Variants in CDH23 observed in about 807,000 individuals in gnomAD.
The protein encoded by CDH23 is cadherin-23.
In CDH23, 189 loss-of-function variants were observed where a neutral mutation model predicts 317.1. That is an observed-to-expected ratio of 0.60 (90% CI 0.53 to 0.67). The LOEUF is 0.67. Ranked by LOEUF, CDH23 falls within the 30% of genes least tolerant of loss-of-function variation. The pLI, the probability that CDH23 is intolerant of heterozygous loss-of-function variation, is 0.00. For synonymous variants in CDH23, 1,839 were observed against 1,876.8 expected, an observed-to-expected ratio of 0.98 and a Z score of 0.52; for missense variants, 4,401 against 4,592.4, an observed-to-expected ratio of 0.96 and a Z score of 1.20.
At chr10:71,609,944 A>C (rs1860759674) in intron 9 of CDH23, among the ~76,000 whole-genome samples, 1 of 134,154 alleles carries the variant, frequency 7.5e-6, no homozygotes, top group African/African-American at 2.8e-5. Flanking sequence ...ATGTGTAAGG[A>C]CTCCCCCGTG....
chr10:71,679,580 G>A, intron 17 of CDH23, 88 bp downstream of exon 17: 1 of 1,053,014 alleles, frequency 9.5e-7, no homozygotes, highest in African/African-American at 1.6e-5. Context: ...GATGAGGCGG[G>A]CACTCCTTGT....
intron 38 of CDH23, among the ~76,000 whole-genome samples, chr10:71,752,263 G>T (rs990659363): frequency 6.6e-6 from 1 of 152,218 alleles, no homozygotes; most frequent in African/African-American, 2.4e-5. Flanking sequence ...GCTGAGGGGA[G>T]GGGTTCTCTT....
At chr10:71,442,835 T>A (rs1849958496) in intron 2 of CDH23, among the ~76,000 whole-genome samples, 1 of 152,166 alleles carries the variant, frequency 6.6e-6, no homozygotes, top group Non-Finnish European at 1.5e-5. Context: ...GGGGCTCATG[T>A]GGGCCACGCT....
chr10:71,628,941 C>A (rs1044946412), intron 11 of CDH23, among the ~76,000 whole-genome samples: 1 of 152,162 alleles, frequency 6.6e-6, no homozygotes, highest in African/African-American at 2.4e-5. Context: ...ATGGGCAAAA[C>A]GAGGCTCAGA....
At chr10:71,468,968 T>C (rs1366285190) in intron 3 of CDH23, among the ~76,000 whole-genome samples, 1 of 152,162 alleles carries the variant, frequency 6.6e-6, no homozygotes, top group Non-Finnish European at 1.5e-5. Flanking sequence ...TCCTTCTCTG[T>C]GGGCCTGAGG....
chr10:71,812,511 C>G lies in CDH23; in HGVS notation c.9412C>G (p.Arg3138Gly), dbSNP rs1052484950. 1 of 1,383,770 alleles carries G rather than the reference C, an allele frequency of 7.2e-7. No individual in the cohort carries two copies. The allele number at this position is 1,383,770 out of a possible 1,614,324, so 85.7% of individuals were successfully genotyped here. Residue 3138 changes from arginine (R) to glycine (G), a missense_variant, in exon 67 of 70, where the codon CGG becomes GGG. Physicochemically the swap from Arg to Gly is moderately radical, Grantham distance 125. This residue lies in a region of CDH23 where 1,144 missense variants were observed against 1,138.2 expected (regional missense o/e 1.01). Coordinates refer to ENST00000224721, the MANE Select transcript of CDH23 (RefSeq NM_022124.6). ...ANPVWLDPFCRNLELAAQAEH... is the reference protein window; with the variant it reads ...ANPVWLDPFCGNLELAAQAEH... ...CCCTGTGTGGCTGGATCCCTTCTGT[C>G]GGAACCTGGAGCTGGCCGCCCAGGC...
chr10:71,607,255 G>A (rs1368686326), intron 9 of CDH23, among the ~76,000 whole-genome samples: 5 of 152,212 alleles, frequency 3.3e-5, no homozygotes, highest in Admixed American at 6.5e-5. Flanking sequence ...TGCTTAATGG[G>A]CTACACCTGG....
At chr10:71,654,377 G>A (rs1440692310) in intron 14 of CDH23, among the ~76,000 whole-genome samples, 2 of 152,166 alleles carry the variant, frequency 1.3e-5, no homozygotes, top group African/African-American at 4.8e-5. Context: ...GGTTTTCATC[G>A]ATCCCTACAT....
chr10:71,581,611 G>A (rs1288541306), intron 9 of CDH23, among the ~76,000 whole-genome samples: 1 of 152,228 alleles, frequency 6.6e-6, no homozygotes, highest in African/African-American at 2.4e-5. Context: ...ACTAAGTTAT[G>A]GCTCCATTGC....
intron 10 of CDH23, among the ~76,000 whole-genome samples, chr10:71,615,955 C>A (rs1861164913): frequency 6.6e-6 from 1 of 152,262 alleles, no homozygotes; most frequent in Non-Finnish European, 1.5e-5. Flanking sequence ...TCTGTTGCAG[C>A]CACCTGGAAT....
chr10:71,439,813 C>G lies in CDH23; in HGVS notation c.-5-14C>G, dbSNP rs1033666098. ...GGAAGCTTCTCACCCTCTTCTCTTT[C>G]TTTGTGTCCCCAGGAGCCATGGGGC... On this transcript the variant is annotated splice_polypyrimidine_tract_variant and intron_variant, in intron 1 of 69. Transcript: ENST00000224721. 6.4e-7 allele frequency: 1 copy of G among 1,554,310 alleles called. No homozygotes were observed. Among genetic ancestry groups the G allele is most frequent in the Non-Finnish European group, 8.7e-7 (1 of 1,147,620 alleles).
At chr10:71,641,280 T>A (rs1862538323) in intron 11 of CDH23, among the ~76,000 whole-genome samples, 1 of 152,238 alleles carries the variant, frequency 6.6e-6, no homozygotes, top group Non-Finnish European at 1.5e-5. Flanking sequence ...TCTGGGCATC[T>A]GCATTTCTTT....
At chr10:71,563,763 T>G (rs1589212401) in intron 6 of CDH23, among the ~76,000 whole-genome samples, 2 of 151,816 alleles carry the variant, frequency 1.3e-5, no homozygotes, top group East Asian at 3.9e-4. Context: ...TTTTTTTCTT[T>G]TTTGAGACGG....
chr10:71,615,748 C>T (rs1861151086), intron 10 of CDH23, 132 bp downstream of exon 10: 3 of 651,386 alleles, frequency 4.6e-6, no homozygotes, highest in South Asian at 3.6e-5. Context: ...TGCTCTCACC[C>T]TGCACTGCCT....
intron 3 of CDH23, among the ~76,000 whole-genome samples, chr10:71,462,535 A>G (rs1851051335): frequency 6.6e-6 from 1 of 152,222 alleles, no homozygotes; most frequent in South Asian, 2.1e-4. Context: ...GTGAGAGGCC[A>G]TGTGCCAAGG....
intron 6 of CDH23, 148 bp from the exon 7 acceptor site, chr10:71,566,594 T>A (rs1281427343): frequency 3.3e-6 from 2 of 603,992 alleles, no homozygotes; most frequent in African/African-American, 3.8e-5. Flanking sequence ...GCATTTTAAA[T>A]TTTGGGGCCC....
At chr10:71,598,928 T>C (rs1860037370) in intron 9 of CDH23, among the ~76,000 whole-genome samples, 1 of 152,140 alleles carries the variant, frequency 6.6e-6, no homozygotes, top group South Asian at 2.1e-4. Flanking sequence ...GGACATAATA[T>C]GACATCTGGG....
At chr10:71,628,503 TA>T (rs1379111606) in intron 11 of CDH23, among the ~76,000 whole-genome samples, 1 of 152,096 alleles carries the variant, frequency 6.6e-6, no homozygotes, top group Non-Finnish European at 1.5e-5. Context: ...GAGAGTGAGA[TA>T]ATTTTTGTTT....
chr10:71,515,460 T>C (rs1036009093), intron 6 of CDH23, among the ~76,000 whole-genome samples: 3 of 150,646 alleles, frequency 2.0e-5, no homozygotes, highest in African/African-American at 7.4e-5. Flanking sequence ...GTACTGGAGT[T>C]CAGCCTAACT....
Sources: gnomAD v4.1 joint callset for allele counts (sites outside exome capture counted in the v4.1 genomes callset) on GRCh38, gnomAD v4.1.1 for gene constraint, gnomAD v4.1.1 regional missense constraint, MANE v1.5 for transcripts, NCBI Gene and HGNC (gene_info 2026-07-23, HGNC 2026-07-21) for gene names.